Variants in NPAS3 observed in about 807,000 individuals in gnomAD.
NPAS3 encodes neuronal PAS domain-containing protein 3.
In NPAS3, 14 loss-of-function variants were observed where a neutral mutation model predicts 73.1. That is an observed-to-expected ratio of 0.19 (90% CI 0.13 to 0.30). The LOEUF (loss-of-function observed/expected upper bound fraction) is 0.30, where lower values mean the gene tolerates loss of function less well. NPAS3 is among the 10% of genes least tolerant of loss of function. The pLI, the probability that NPAS3 is intolerant of heterozygous loss-of-function variation, is 1.00. For missense variants in NPAS3, 1,096 were observed against 1,250.0 expected (o/e 0.88, Z 1.86); for synonymous variants, 620 against 541.5 (o/e 1.14, Z -2.01).
At chr14:33,544,213 G>A (rs976085270) in intron 4 of NPAS3, among the ~76,000 whole-genome samples, 4 of 151,926 alleles carry the variant, frequency 2.6e-5, no homozygotes, top group African/African-American at 4.8e-5. Context: ...CACCATCATA[G>A]CTTGCTGCAG....
intron 3 of NPAS3, among the ~76,000 whole-genome samples, chr14:33,291,056 C>A (rs143998903): frequency 6.6e-4 from 101 of 151,950 alleles, no homozygotes; most frequent in African/African-American, 1.9e-3. Flanking sequence ...CTTTGCAATA[C>A]GAATGGCTTT....
intron 4 of NPAS3, among the ~76,000 whole-genome samples, chr14:33,476,875 C>A (rs984824729): frequency 6.6e-6 from 1 of 152,112 alleles, no homozygotes; most frequent in Non-Finnish European, 1.5e-5. Flanking sequence ...TTTGGGGAAC[C>A]ACTTGGAAAT....
At chr14:33,643,733 GGA>G in intron 5 of NPAS3, among the ~76,000 whole-genome samples, 1 of 152,310 alleles carries the variant, frequency 6.6e-6, no homozygotes, top group Middle Eastern at 3.4e-3. Context: ...AAATCAGGCA[GGA>G]GAGTGTATGC....
chr14:33,161,576 A>C (rs950729701), intron 2 of NPAS3, among the ~76,000 whole-genome samples: 1 of 152,226 alleles, frequency 6.6e-6, no homozygotes, highest in African/African-American at 2.4e-5. Context: ...TTATGTTTCA[A>C]ATACTGGTTC....
intron 2 of NPAS3, among the ~76,000 whole-genome samples, chr14:33,196,508 G>C (rs145601360): frequency 1.0e-3 from 152 of 152,320 alleles, no homozygotes; most frequent in African/African-American, 3.4e-3. Flanking sequence ...TGGCTCATGT[G>C]AGGATCTGTT....
intron 3 of NPAS3, among the ~76,000 whole-genome samples, chr14:33,246,867 A>C (rs1027089730): frequency 7.4e-6 from 1 of 134,366 alleles, no homozygotes; most frequent in Non-Finnish European, 1.6e-5. Context: ...AAAAAAAAAA[A>C]GCTGGGCATG....
chr14:33,594,310 GT>G (rs751966203), intron 5 of NPAS3, among the ~76,000 whole-genome samples: 8 of 151,984 alleles, frequency 5.3e-5, no homozygotes, highest in Non-Finnish European at 1.0e-4. Flanking sequence ...TATTTTAATT[GT>G]TTTTTCCCCA....
chr14:33,215,366 C>A, exon 3 of NPAS3: 4 of 1,613,126 alleles, frequency 2.5e-6, no homozygotes, highest in Non-Finnish European at 3.4e-6. Context: ...CTTTGCTAAC[C>A]AGGGGGACCC....
intron 4 of NPAS3, among the ~76,000 whole-genome samples, chr14:33,434,658 ATTCT>A (rs958671896): frequency 2.6e-5 from 4 of 152,190 alleles, no homozygotes; most frequent in South Asian, 4.1e-4. Context: ...CAGGAAGTTG[ATTCT>A]TTCTTTTGAA....
chr14:33,549,657 G>A (rs2055016195), intron 4 of NPAS3, among the ~76,000 whole-genome samples: 1 of 152,130 alleles, frequency 6.6e-6, no homozygotes, highest in Non-Finnish European at 1.5e-5. Context: ...TCAGCACAGT[G>A]GTTTCCATGG....
At chr14:33,102,348 AT>A (rs1307931703) in intron 2 of NPAS3, among the ~76,000 whole-genome samples, 1 of 152,168 alleles carries the variant, frequency 6.6e-6, no homozygotes, top group Admixed American at 6.5e-5. Flanking sequence ...ATCCATAGTG[AT>A]TAAGACTTCT....
intron 2 of NPAS3, among the ~76,000 whole-genome samples, chr14:33,179,336 T>C (rs1360133239): frequency 6.6e-6 from 1 of 152,232 alleles, no homozygotes. Flanking sequence ...AAAATATTTG[T>C]GTACTTAAAT....
chr14:33,542,447 GT>G (rs1456636704), intron 4 of NPAS3, among the ~76,000 whole-genome samples: 1 of 152,122 alleles, frequency 6.6e-6, no homozygotes, highest in Non-Finnish European at 1.5e-5. Flanking sequence ...CCTCCTGTGT[GT>G]TCTCGTCGCC....
intron 4 of NPAS3, among the ~76,000 whole-genome samples, chr14:33,459,908 C>G (rs1415042182): frequency 6.6e-6 from 1 of 152,190 alleles, no homozygotes; most frequent in Non-Finnish European, 1.5e-5. Context: ...ACTATAGGCT[C>G]TTTTAACAGT....
At chr14:32,982,166 G>A (rs945973104) in intron 1 of NPAS3, among the ~76,000 whole-genome samples, 1 of 152,116 alleles carries the variant, frequency 6.6e-6, no homozygotes, top group African/African-American at 2.4e-5. Flanking sequence ...ACTTCTTTAC[G>A]GCGTGATTTC....
chr14:32,959,996 T>C (rs991368675), intron 1 of NPAS3, among the ~76,000 whole-genome samples: 1 of 111,838 alleles, frequency 8.9e-6, no homozygotes, highest in South Asian at 2.6e-4. Flanking sequence ...TTTTTTTTTT[T>C]GGTGAGTAAT....
chr14:33,378,090 T>A (rs1172028021), intron 4 of NPAS3, among the ~76,000 whole-genome samples: 4 of 152,196 alleles, frequency 2.6e-5, no homozygotes, highest in Non-Finnish European at 2.9e-5. Flanking sequence ...GGCAATTTAT[T>A]TGAACTGTCT....
intron 5 of NPAS3, among the ~76,000 whole-genome samples, chr14:33,658,114 T>C (rs1476677321): frequency 2.0e-5 from 3 of 152,248 alleles, no homozygotes; most frequent in Non-Finnish European, 4.4e-5. Context: ...GTAGACACTG[T>C]AGAAATTGAG....
At chr14:33,476,383 A>G (rs1447312196) in intron 4 of NPAS3, among the ~76,000 whole-genome samples, 1 of 152,172 alleles carries the variant, frequency 6.6e-6, no homozygotes, top group Non-Finnish European at 1.5e-5. Context: ...CTACTTGTCA[A>G]TTTCACTGAT....
Sources: gnomAD v4.1 joint callset for allele counts (sites outside exome capture counted in the v4.1 genomes callset) on GRCh38, gnomAD v4.1.1 for gene constraint, MANE v1.5 for transcripts, NCBI Gene and HGNC (gene_info 2026-07-23, HGNC 2026-07-21) for gene names.